The following CAP2 variants were observed in gnomAD, a reference collection of about 807,000 sequenced individuals.
CAP2 encodes the protein adenylyl cyclase-associated protein 2.
Under a neutral mutation model 57.7 loss-of-function variants are expected in CAP2, and 24 were observed. The observed-to-expected ratio is 0.42, with a 90% CI of 0.30 to 0.58. The LOEUF is 0.58. CAP2 is among the 20% of genes least tolerant of loss of function. CAP2 has a pLI of 0.22. For missense variants in CAP2, 501 were observed against 590.3 expected (o/e 0.85, Z 1.57); for synonymous variants, 194 against 207.2 (o/e 0.94, Z 0.55).
chr6:17,441,022 A>T (rs1760059745), intron 3 of CAP2, among the ~76,000 whole-genome samples: 1 of 151,620 alleles, frequency 6.6e-6, no homozygotes, highest in South Asian at 2.1e-4. Flanking sequence ...ATGGCTGCAT[A>T]GTATTCCATG....
intron 4 of CAP2, among the ~76,000 whole-genome samples, chr6:17,501,278 A>G (rs1328339038): frequency 6.6e-6 from 1 of 152,196 alleles, no homozygotes; most frequent in East Asian, 1.9e-4. Context: ...TTACATCTAC[A>G]CTTGATCTTA....
chr6:17,432,718 C>CCCTT (rs1470281822), intron 3 of CAP2, among the ~76,000 whole-genome samples: 1 of 47,456 alleles, frequency 2.1e-5, no homozygotes, highest in African/African-American at 4.7e-5. Context: ...CCCCTCCACC[C>CCCTT]CCTTGCTTGC....
intron 5 of CAP2, 43 bp from the exon 6 acceptor site, chr6:17,507,598 T>C (rs1161026202): frequency 8.5e-7 from 1 of 1,177,570 alleles, no homozygotes; most frequent in Admixed American, 1.8e-5. Flanking sequence ...CTTATCCTAT[T>C]TTTTTTTCCT....
intron 3 of CAP2, among the ~76,000 whole-genome samples, chr6:17,447,907 G>C (rs1478773216): frequency 6.6e-6 from 1 of 152,184 alleles, no homozygotes; most frequent in Non-Finnish European, 1.5e-5. Flanking sequence ...TCGATCCCAG[G>C]CCTATCTGAA....
At chr6:17,444,154 C>T (rs531484690) in intron 3 of CAP2, among the ~76,000 whole-genome samples, 43 of 152,310 alleles carry the variant, frequency 2.8e-4, no homozygotes, top group African/African-American at 9.9e-4. Flanking sequence ...CAGAATTATG[C>T]TCTTTTCTTC....
chr6:17,551,583 T>C lies in CAP2; in HGVS notation c.1329T>C (p.Leu443=). 6.2e-7 allele frequency: 1 copy of C among 1,609,914 alleles called. No homozygotes were observed. The highest frequency in any genetic ancestry group is 8.5e-7 in the Non-Finnish European group (1 of 1,177,686). Residue 443 remains leucine (L), a synonymous_variant, in exon 12 of 13, where the codon CTT becomes CTC. Coordinates refer to ENST00000229922, the MANE Select transcript of CAP2 (RefSeq NM_006366.3). The stretch of plus-strand genomic sequence containing the variant: ...CCAAGTCATCTGAAATGAACATACT[T>C]ATCCCTCAGGATGGTGATTATGTAA... The part of the protein sequence containing the change: ...VSAKSSEMNI[L]IPQDGDYREF...
chr6:17,517,111 AT>A (rs1762288929), intron 7 of CAP2, among the ~76,000 whole-genome samples: 1 of 152,240 alleles, frequency 6.6e-6, no homozygotes, highest in African/African-American at 2.4e-5. Flanking sequence ...ACAGCCATGT[AT>A]CATAAAGAGA....
chr6:17,554,871 G>T (rs73722970), intron 12 of CAP2, among the ~76,000 whole-genome samples: 1 of 152,146 alleles, frequency 6.6e-6, no homozygotes, highest in African/African-American at 2.4e-5. Flanking sequence ...TCACTGTCTG[G>T]GAAAGCAGAG....
At chr6:17,483,696 G>C (rs1376990632) in intron 4 of CAP2, among the ~76,000 whole-genome samples, 1 of 152,252 alleles carries the variant, frequency 6.6e-6, no homozygotes, top group South Asian at 2.1e-4. Flanking sequence ...CACATGCCCA[G>C]CTCCACCACT....
At chr6:17,480,649 C>T (rs891962571) in intron 4 of CAP2, among the ~76,000 whole-genome samples, 3 of 152,140 alleles carry the variant, frequency 2.0e-5, no homozygotes, top group African/African-American at 2.4e-5. Flanking sequence ...TGAGAAATTG[C>T]GCCTGACAAA....
chr6:17,403,629 A>C (rs998664766), intron 1 of CAP2, among the ~76,000 whole-genome samples: 1 of 152,238 alleles, frequency 6.6e-6, no homozygotes, highest in Non-Finnish European at 1.5e-5. Flanking sequence ...ATTGAATTAG[A>C]ATTTAAATTT....
intron 2 of CAP2, among the ~76,000 whole-genome samples, chr6:17,424,365 A>T (rs111636623): frequency 0.1 from 15,515 of 152,140 alleles, 889 homozygotes; most frequent in African/African-American, 0.13. Flanking sequence ...GCGCCACTGC[A>T]CTCCAGCCTG....
At chr6:17,490,737 C>T (rs1350649628) in intron 4 of CAP2, among the ~76,000 whole-genome samples, 1 of 152,098 alleles carries the variant, frequency 6.6e-6, no homozygotes, top group Non-Finnish European at 1.5e-5. Flanking sequence ...CCTATTAGGC[C>T]AGGATTGCTG....
intron 1 of CAP2, among the ~76,000 whole-genome samples, chr6:17,410,407 G>C (rs929734692): frequency 2.3e-4 from 35 of 152,150 alleles, no homozygotes; most frequent in African/African-American, 8.2e-4. Flanking sequence ...TTCTTACGCA[G>C]ATGAAAAAGA....
intron 8 of CAP2, among the ~76,000 whole-genome samples, chr6:17,540,224 G>A (rs1031117459): frequency 6.6e-5 from 10 of 152,132 alleles, no homozygotes; most frequent in African/African-American, 1.9e-4. Flanking sequence ...TGGTTCTGCT[G>A]TGCCTTGTGA....
At chr6:17,490,619 T>C (rs1188194556) in intron 4 of CAP2, among the ~76,000 whole-genome samples, 1 of 152,230 alleles carries the variant, frequency 6.6e-6, no homozygotes, top group African/African-American at 2.4e-5. Context: ...AGCACGCCTT[T>C]GCGGGCAGAG....
intron 4 of CAP2, among the ~76,000 whole-genome samples, chr6:17,482,507 CAAAAAAAAAAAAA>C (rs60053497): frequency 6.4e-4 from 45 of 70,790 alleles, no homozygotes; most frequent in Middle Eastern, 8.9e-3. Context: ...GACTCCATCT[CAAAAAAAAAAAAA>C]AAAAAAAAAA....
chr6:17,444,059 T>C (rs1168383225), intron 3 of CAP2, among the ~76,000 whole-genome samples: 2 of 152,204 alleles, frequency 1.3e-5, no homozygotes, highest in Non-Finnish European at 2.9e-5. Flanking sequence ...ATTGCTTTAG[T>C]TAAAACAAAT....
intron 12 of CAP2, among the ~76,000 whole-genome samples, chr6:17,554,741 C>G (rs953296659): frequency 1.3e-5 from 2 of 152,216 alleles, no homozygotes; most frequent in Non-Finnish European, 2.9e-5. Flanking sequence ...CGAGGAGGCC[C>G]AGAAGACAGG....
Sources: allele counts gnomAD v4.1 joint callset (sites outside exome capture counted in the v4.1 genomes callset), GRCh38; gene constraint gnomAD v4.1.1; transcripts MANE v1.5; gene names NCBI Gene and HGNC (gene_info 2026-07-23, HGNC 2026-07-21).